KDM2A: variants seen among roughly 807,000 people sequenced by gnomAD.
KDM2A encodes lysine demethylase 2A.
KDM2A carries 3 observed loss-of-function variants against 137.3 expected under a neutral mutation model. That is an observed-to-expected ratio of 0.02 (90% CI 0.01 to 0.06). KDM2A has a LOEUF of 0.06. Among genes scored for constraint, KDM2A ranks in the 10% least tolerant of loss-of-function variants. The pLI, the probability that KDM2A is intolerant of heterozygous loss-of-function variation, is 1.00. For missense variants in KDM2A, 738 were observed against 1,510.6 expected, an observed-to-expected ratio of 0.49 and a Z score of 8.48; for synonymous variants, 512 against 541.5, an observed-to-expected ratio of 0.95 and a Z score of 0.76.
chr11:67,199,708 A>G (rs1034868587), intron 5 of KDM2A, among the ~76,000 whole-genome samples: 3 of 152,226 alleles, frequency 2.0e-5, no homozygotes, highest in Admixed American at 6.5e-5. Context: ...ATGAAGTGCA[A>G]GGTAAAGCAG....
At position 67,247,071 on chromosome 11, in the gene KDM2A, A is replaced by ATTT. The variant is rs1156333048; in HGVS notation, c.1965+987_1965+989dup. ...TATATATATATATATATATATATAT[A>ATTT]TTTTTTTTTTTTTTTTTTTTTTTTT... On this transcript the variant is annotated intron_variant, in intron 15 of 20. Coordinates refer to ENST00000529006, the MANE Select transcript of KDM2A (RefSeq NM_012308.3). Among the ~76,000 whole-genome samples, 21 of 16,778 alleles carry ATTT rather than the reference A, an allele frequency of 1.3e-3. 1 individual carries two copies. The highest frequency in any genetic ancestry group is 1.6e-3 in the Non-Finnish European group (15 of 9,282). 11.0% of individuals were successfully genotyped at this position (16,778 alleles called of 152,430 possible).
intron 5 of KDM2A, among the ~76,000 whole-genome samples, chr11:67,200,381 A>G (rs555044839): frequency 4.6e-5 from 7 of 151,982 alleles, no homozygotes; most frequent in Non-Finnish European, 7.4e-5. Context: ...ACGTCCGGCT[A>G]ATTTTTTTCG....
At chr11:67,168,582 TACACAC>T (rs71056179) in intron 2 of KDM2A, among the ~76,000 whole-genome samples, 7 of 33,982 alleles carry the variant, frequency 2.1e-4, no homozygotes, top group African/African-American at 8.0e-4. Flanking sequence ...GTATGAATTA[TACACAC>T]ACACACACAC....
chr11:67,208,869 A>G (rs937094786), intron 6 of KDM2A, among the ~76,000 whole-genome samples: 3 of 152,028 alleles, frequency 2.0e-5, no homozygotes, highest in Non-Finnish European at 4.4e-5. Flanking sequence ...GCTTGAGGCC[A>G]GTAGTTCAAG....
At chr11:67,247,086 T>C (rs1163550082) in intron 15 of KDM2A, among the ~76,000 whole-genome samples, 2 of 93,792 alleles carry the variant, frequency 2.1e-5, no homozygotes, top group African/African-American at 8.7e-5. Context: ...TTTTTTTTTT[T>C]TTTTTTTTTT....
chr11:67,193,800 G>A (rs1325461777), intron 5 of KDM2A, among the ~76,000 whole-genome samples: 1 of 152,230 alleles, frequency 6.6e-6, no homozygotes, highest in Admixed American at 6.5e-5. Flanking sequence ...GCGGGAGGTT[G>A]CGGTAAGCTG....
chr11:67,231,498 C>T lies in KDM2A; in HGVS notation c.1085-68C>T. ...TAGCCTCAAGGCCCCTATCATGCCA[C>T]CTATTTCTCTTGCTGATCACATGGC... On this transcript the variant is annotated intron_variant, in intron 11 of 20. Coordinates refer to ENST00000529006, the MANE Select transcript of KDM2A (RefSeq NM_012308.3). 4 of 1,399,552 alleles carry T rather than the reference C, an allele frequency of 2.9e-6. No individual in the cohort carries two copies. The South Asian group carries it at 5.8e-5, about 20-fold the overall frequency. 86.7% of individuals were successfully genotyped at this position (1,399,552 alleles called of 1,614,324 possible).
At chr11:67,153,828 AAAC>A (rs1856453676) in intron 2 of KDM2A, among the ~76,000 whole-genome samples, 1 of 151,944 alleles carries the variant, frequency 6.6e-6, no homozygotes, top group South Asian at 2.1e-4. Context: ...AAAAAAAAAA[AAAC>A]ACCAAAAACA....
chr11:67,179,943 G>C (rs1590753332), intron 2 of KDM2A, 136 bp from the exon 3 acceptor site: 1 of 796,032 alleles, frequency 1.3e-6, no homozygotes, highest in African/African-American at 1.8e-5. Flanking sequence ...TTGAGAGAAA[G>C]AAAAGATCCA....
intron 5 of KDM2A, among the ~76,000 whole-genome samples, chr11:67,202,987 C>A: frequency 6.7e-6 from 1 of 149,648 alleles, no homozygotes; most frequent in African/African-American, 2.5e-5. Flanking sequence ...AGAGCAAGAC[C>A]CTGTCCGTCC....
chr11:67,251,536 A>T (rs1487223177), intron 17 of KDM2A, among the ~76,000 whole-genome samples: 1 of 152,226 alleles, frequency 6.6e-6, no homozygotes, highest in Admixed American at 6.5e-5. Context: ...GGTCACACAC[A>T]TCCTATTACA....
chr11:67,182,707 AT>A (rs1857117989), intron 5 of KDM2A, among the ~76,000 whole-genome samples: 2 of 151,758 alleles, frequency 1.3e-5, no homozygotes, highest in African/African-American at 4.8e-5. Flanking sequence ...TAATTTTTGT[AT>A]TTTTAGTAGA....
intron 16 of KDM2A, among the ~76,000 whole-genome samples, chr11:67,249,880 C>G (rs940623019): frequency 4.6e-5 from 7 of 152,248 alleles, no homozygotes; most frequent in African/African-American, 1.7e-4. Flanking sequence ...ACCTATAATT[C>G]CAGCACTTTG....
At chr11:67,158,647 T>G (rs1328764574) in intron 2 of KDM2A, among the ~76,000 whole-genome samples, 1 of 152,214 alleles carries the variant, frequency 6.6e-6, no homozygotes, top group Non-Finnish European at 1.5e-5. Context: ...ATGTACAATG[T>G]TCAGCATCTT....
intron 12 of KDM2A, chr11:67,240,131 C>A: frequency 2.8e-6 from 4 of 1,406,976 alleles, no homozygotes; most frequent in East Asian, 2.6e-5. Context: ...AGCTGAAGGG[C>A]TCGAGAAGGA....
intron 5 of KDM2A, among the ~76,000 whole-genome samples, chr11:67,199,479 G>A (rs1857564581): frequency 6.6e-6 from 1 of 152,174 alleles, no homozygotes; most frequent in Non-Finnish European, 1.5e-5. Flanking sequence ...ATGGGGATAA[G>A]AAAGAAAAAC....
chr11:67,127,179 C>T (rs995176025), intron 2 of KDM2A, among the ~76,000 whole-genome samples: 10 of 152,122 alleles, frequency 6.6e-5, no homozygotes, highest in Non-Finnish European at 1.3e-4. Flanking sequence ...CTCTTTGTAG[C>T]CTCAACCGCC....
In KDM2A at chr11:67,254,549, C is replaced by T; in HGVS notation, c.3307+131C>T. ...ATCAGCTCATTTCTTCACATCTGGA[C>T]AAGGACATGGATTTCTATCCCTTTT... On this transcript the variant is annotated intron_variant, in intron 20 of 20. Coordinates refer to ENST00000529006, the MANE Select transcript of KDM2A (RefSeq NM_012308.3). This position sits in a 1 kb window ranked among gnomAD's most constrained non-coding sequence, Gnocchi z 4.7. 2.5e-6 allele frequency: 2 copies of T among 792,584 alleles called. No homozygotes were observed. The highest frequency in any genetic ancestry group is 4.2e-6 in the Non-Finnish European group (2 of 477,054). The allele number at this position is 792,584 out of a possible 1,614,324, so 49.1% of individuals were successfully genotyped here. A position where few individuals can be genotyped will look rare whatever the true frequency, so the allele number is the denominator to read the frequency against.
chr11:67,235,008 C>T (rs1858824951), intron 12 of KDM2A, among the ~76,000 whole-genome samples: 1 of 151,234 alleles, frequency 6.6e-6, no homozygotes, highest in Non-Finnish European at 1.5e-5. Flanking sequence ...AGCCAGGTGT[C>T]TTGGCGGGCG....
Sources: allele counts gnomAD v4.1 joint callset (sites outside exome capture counted in the v4.1 genomes callset), GRCh38; gene constraint gnomAD v4.1.1; non-coding constraint Gnocchi (gnomAD v3.1); transcripts MANE v1.5; gene names NCBI Gene and HGNC (gene_info 2026-07-23, HGNC 2026-07-21).